EQTN: variants seen among roughly 807,000 people sequenced by gnomAD.
EQTN encodes equatorin, also known as Acrosome formation associated factor.
A neutral mutation model predicts 26.9 loss-of-function variants in EQTN; 29 were observed. The ratio of observed to expected loss-of-function variants is 1.08; its 90% CI spans 0.80 to 1.47. The LOEUF is 1.47. Among genes scored for constraint, EQTN ranks in the 40% most tolerant of loss-of-function variants. The probability of loss-of-function intolerance (pLI) is 0.00; values close to 1 mark genes in which losing one functional copy is unlikely to be tolerated. For synonymous variants in EQTN, 129 were observed against 120.0 expected (o/e 1.07, Z -0.49); for missense variants, 391 against 346.1 (o/e 1.13, Z -1.03).
intron 6 of EQTN, among the ~76,000 whole-genome samples, chr9:27,288,895 T>G (rs191097303): frequency 6.6e-6 from 1 of 152,190 alleles, no homozygotes; most frequent in Admixed American, 6.5e-5. Flanking sequence ...CAGAGGAGAT[T>G]TTAGGGCAGT....
intron 6 of EQTN, among the ~76,000 whole-genome samples, chr9:27,287,579 G>C (rs2145927): frequency 0.31 from 47,004 of 151,970 alleles, 8,114 homozygotes; most frequent in African/African-American, 0.45. Context: ...GTAAAATGAA[G>C]ATAATACCAA....
rs1820097138 is a variant in EQTN at position 27,285,277 on chromosome 9, G to T, written c.636-305C>A. On this transcript the variant is annotated intron_variant, in intron 7 of 7. Coordinates refer to ENST00000380032, the MANE Select transcript of EQTN (RefSeq NM_020641.3). ...TCCTGCCTCAGCCTCCCGAGTAGCTGGGACTACAGGCATGCGCCACTATGC... is the reference window on the plus strand; with the variant it reads ...TCCTGCCTCAGCCTCCCGAGTAGCTTGGACTACAGGCATGCGCCACTATGC... Among the ~76,000 whole-genome samples the T allele has an allele frequency of 2.0e-5, 3 of 151,276 alleles. No individual in the cohort carries two copies. The South Asian group carries it at 6.3e-4, about 32-fold the overall frequency.
intron 4 of EQTN, 84 bp from the exon 5 acceptor site, chr9:27,291,147 G>T (rs1820227916): frequency 1.6e-6 from 2 of 1,272,880 alleles, no homozygotes; most frequent in South Asian, 1.4e-5. Flanking sequence ...ACATTCGTTT[G>T]TTAGTCATTT....
chr9:27,294,421 G>T lies in EQTN; in HGVS notation c.203-19C>A. On this transcript the variant is annotated intron_variant, in intron 2 of 7. Coordinates refer to ENST00000380032, the MANE Select transcript of EQTN (RefSeq NM_020641.3). ...AACACATCTAAAAACAAAAGCGAAA[G>T]TCTTCAGCAACTAGCTAAGTCACTT... The T allele has an allele frequency of 6.6e-7, 1 of 1,517,308 alleles. No individual in the cohort carries two copies. The highest frequency in any genetic ancestry group is 9.0e-7 in the Non-Finnish European group (1 of 1,112,690). 94.0% of individuals were successfully genotyped at this position (1,517,308 alleles called of 1,614,324 possible). A position where few individuals can be genotyped will look rare whatever the true frequency, so the allele number is the denominator to read the frequency against.
At position 27,284,787 on chromosome 9, in the gene EQTN, G is replaced by A. The variant is rs41305329; in HGVS notation, c.821C>T (p.Thr274Met). ...ATCTGAGCCTATGGAAATGATATCC[G>A]TCATTATCTTAGATTCTGATGTTCT... is the stretch of plus-strand genomic sequence containing the variant. ...GTRTSESKIM[T>M]DIISIGSDNE... Residue 274 changes from threonine to methionine, a missense_variant, in exon 8 of 8, where the codon ACG (threonine) becomes ATG (methionine). Coordinates refer to ENST00000380032, the MANE Select transcript of EQTN (RefSeq NM_020641.3). 16 of 1,613,774 alleles carry A rather than the reference G, an allele frequency of 9.9e-6. No individual in the cohort carries two copies. The highest frequency in any genetic ancestry group is 4.4e-5 in the South Asian group (4 of 91,078).
chr9:27,295,151 C>G (rs1820310779), intron 2 of EQTN, among the ~76,000 whole-genome samples: 2 of 152,166 alleles, frequency 1.3e-5, no homozygotes, highest in African/African-American at 4.8e-5. Flanking sequence ...ATGGGAAAAA[C>G]TGCACATAGA....
Position 27,289,560 on chromosome 9 carries a change from G to C in EQTN, c.481+112C>G, listed in dbSNP as rs1820186335. 4.1e-6 allele frequency: 3 copies of C among 740,556 alleles called. No homozygotes were observed. In the South Asian group the frequency reaches 7.0e-5, roughly 17 times the overall value. 45.9% of individuals were successfully genotyped at this position (740,556 alleles called of 1,614,324 possible). A position where few individuals can be genotyped will look rare whatever the true frequency, so the allele number is the denominator to read the frequency against. On this transcript the variant is annotated intron_variant, in intron 6 of 7. Coordinates refer to ENST00000380032, the MANE Select transcript of EQTN (RefSeq NM_020641.3). The stretch of plus-strand genomic sequence containing the variant: ...GAAAAGGTTTTTGTCATGTTGCCCA[G>C]GCTGGTCTCGAACTCCTGGACTCAA...
intron 7 of EQTN, among the ~76,000 whole-genome samples, chr9:27,286,005 G>A (rs886184391): frequency 1.3e-5 from 2 of 152,164 alleles, no homozygotes; most frequent in Admixed American, 1.3e-4. Flanking sequence ...TTCTATCTCT[G>A]GATGACTACT....
Position 27,285,075 on chromosome 9 carries a change from A to G in EQTN, c.636-103T>C, listed in dbSNP as rs891368514. ...AAATTAAAATATACGAATTTTGCCC[A>G]AAGTGTTAGTTACTTAGTAACATTA... On this transcript the variant is annotated intron_variant, in intron 7 of 7. Coordinates refer to ENST00000380032, the MANE Select transcript of EQTN (RefSeq NM_020641.3). 5.3e-6 allele frequency: 5 copies of G among 938,410 alleles called. 1 individual carries two copies. Among genetic ancestry groups the G allele is most frequent in the South Asian group, 3.6e-5 (2 of 54,906 alleles). The allele number at this position is 938,410 out of a possible 1,614,324, so 58.1% of individuals were successfully genotyped here.
chr9:27,295,643 C>G (rs1820319165), intron 2 of EQTN, among the ~76,000 whole-genome samples: 1 of 151,850 alleles, frequency 6.6e-6, no homozygotes, highest in Admixed American at 6.6e-5. Context: ...ACCATCCTGG[C>G]TAACACTGTG....
chr9:27,290,882 T>C, intron 5 of EQTN, 137 bp downstream of exon 5: 1 of 566,516 alleles, frequency 1.8e-6, no homozygotes, highest in Non-Finnish European at 2.9e-6. Context: ...AGGTTTGTTT[T>C]GAAGTTTGCT....
chr9:27,289,442 G>A (rs563695992), intron 6 of EQTN, among the ~76,000 whole-genome samples: 162 of 152,066 alleles, frequency 1.1e-3, no homozygotes, highest in Non-Finnish European at 1.5e-3. Context: ...AAGTACTTTG[G>A]TTCATTTGTT....
chr9:27,292,386 T>C lies in EQTN; in HGVS notation c.376+15A>G, dbSNP rs1486391142. 2 of 1,513,260 alleles carry C rather than the reference T, an allele frequency of 1.3e-6. No homozygotes were observed. The highest frequency in any genetic ancestry group is 4.5e-5 in the East Asian group (2 of 44,078). The allele number at this position is 1,513,260 out of a possible 1,614,324, so 93.7% of individuals were successfully genotyped here. A position where few individuals can be genotyped will look rare whatever the true frequency, so the allele number is the denominator to read the frequency against. The stretch of plus-strand genomic sequence containing the variant: ...ATATTCTCCAGGTATGAATACAGTG[T>C]AGTAATTTAAATACTTTGAATATTT... On this transcript the variant is annotated intron_variant, in intron 4 of 7. Coordinates refer to ENST00000380032, the MANE Select transcript of EQTN (RefSeq NM_020641.3).
At chr9:27,285,121 TC>T in intron 7 of EQTN, 149 bp from the exon 8 acceptor site, 1 of 467,720 alleles carries the variant, frequency 2.1e-6, no homozygotes, top group Non-Finnish European at 3.6e-6. Context: ...ATATAGTTTT[TC>T]TTTTCTTTTC....
intron 3 of EQTN, among the ~76,000 whole-genome samples, chr9:27,293,274 C>T (rs923405913): frequency 6.6e-6 from 1 of 152,150 alleles, no homozygotes; most frequent in African/African-American, 2.4e-5. Flanking sequence ...TCAAGCAGAA[C>T]TCGAAAAGTG....
intron 4 of EQTN, among the ~76,000 whole-genome samples, chr9:27,291,596 C>T (rs555787080): frequency 5.5e-4 from 83 of 152,160 alleles, no homozygotes; most frequent in Middle Eastern, 3.4e-3. Flanking sequence ...CAGATTGTTT[C>T]GGAATTGAAT....
chr9:27,294,510 A>AAT, intron 2 of EQTN, 108 bp from the exon 3 acceptor site: 1 of 501,844 alleles, frequency 2.0e-6, no homozygotes, highest in Non-Finnish European at 3.4e-6. Context: ...TTAAAAAAAA[A>AAT]TTAAAAAAGT....
At chr9:27,293,942 A>G (rs1364993216) in intron 3 of EQTN, among the ~76,000 whole-genome samples, 2 of 152,256 alleles carry the variant, frequency 1.3e-5, no homozygotes, top group East Asian at 3.8e-4. Context: ...GACAAAAATC[A>G]GAAAGGCAAA....
intron 2 of EQTN, among the ~76,000 whole-genome samples, chr9:27,296,214 G>T (rs1820339949): frequency 6.6e-6 from 1 of 152,018 alleles, no homozygotes; most frequent in Non-Finnish European, 1.5e-5. Context: ...GAGGTGGTAG[G>T]ACTGCTTGAA....
Sources: allele counts gnomAD v4.1 joint callset (sites outside exome capture counted in the v4.1 genomes callset), GRCh38; gene constraint gnomAD v4.1.1; transcripts MANE v1.5; gene names NCBI Gene and HGNC (gene_info 2026-07-23, HGNC 2026-07-21).